Variants in RGS18 observed in about 807,000 individuals in gnomAD.
The protein encoded by RGS18 is regulator of G-protein signaling 18.
Under a neutral mutation model 27.6 loss-of-function variants are expected in RGS18, and 22 were observed. That is an observed-to-expected ratio of 0.80 (90% CI 0.57 to 1.14). The LOEUF is 1.14. Among genes scored for constraint, RGS18 ranks in the 50% most tolerant of loss-of-function variants. The probability of loss-of-function intolerance (pLI) is 0.00; values close to 1 mark genes in which losing one functional copy is unlikely to be tolerated. For missense variants in RGS18, 299 were observed against 269.6 expected (o/e 1.11, Z -0.76); for synonymous variants, 89 against 84.6 (o/e 1.05, Z -0.29).
chr1:192,163,735 T>C (rs923968785), intron 3 of RGS18: 6 of 151,898 alleles, frequency 4.0e-5, no homozygotes, highest in Non-Finnish European at 7.4e-5. Context: ...TTTATTACAA[T>C]GCTTATAATA....
rs562038493 is a variant in RGS18, at chr1:192,159,177, C to A, written c.120-43C>A. 3.5e-6 allele frequency: 5 copies of A among 1,408,946 alleles called. No homozygotes were observed. The African/African-American group carries it at 5.7e-5, about 16-fold the overall frequency. 87.3% of individuals were successfully genotyped at this position (1,408,946 alleles called of 1,614,324 possible). A position where few individuals can be genotyped will look rare whatever the true frequency, so the allele number is the denominator to read the frequency against. On this transcript the variant is annotated intron_variant, in intron 1 of 4. Transcript: ENST00000367460. ...TGGTAGTCAGCAGGAGAGATTTTAA[C>A]TGTCATCTAAATTGTCCTGACATGA...
chr1:192,164,519 G>A (rs992117790), intron 3 of RGS18, among the ~76,000 whole-genome samples: 3 of 151,792 alleles, frequency 2.0e-5, no homozygotes, highest in Non-Finnish European at 4.4e-5. Context: ...AAAAAAAAAT[G>A]AGTAAATATA....
intron 3 of RGS18, among the ~76,000 whole-genome samples, chr1:192,171,478 CTA>C (rs1174869500): frequency 6.6e-6 from 1 of 152,036 alleles, no homozygotes; most frequent in African/African-American, 2.4e-5. Flanking sequence ...CCTTGTCTCT[CTA>C]GTTAATTAAC....
chr1:192,184,593 C>T lies in RGS18; in HGVS notation c.*39C>T, dbSNP rs757089647. 56 of 1,571,648 alleles carry T rather than the reference C, an allele frequency of 3.6e-5. No individual in the cohort carries two copies. Among genetic ancestry groups the T allele is most frequent in the Non-Finnish European group, 4.7e-5 (54 of 1,145,350 alleles). Reference sequence around the variant, plus strand: ...TGCTCATTTTTATGACAAACTTATACATCTGCTTCTAACATATCGCATGTT... The same window carrying T: ...TGCTCATTTTTATGACAAACTTATATATCTGCTTCTAACATATCGCATGTT... On this transcript the variant is annotated 3_prime_UTR_variant, in exon 5 of 5. Coordinates refer to ENST00000367460, the MANE Select transcript of RGS18 (RefSeq NM_130782.3).
chr1:192,165,529 C>T (rs1050356350), intron 3 of RGS18, among the ~76,000 whole-genome samples: 3 of 152,140 alleles, frequency 2.0e-5, no homozygotes, highest in African/African-American at 7.2e-5. Flanking sequence ...CATCACGGAA[C>T]CTGCCGATGT....
chr1:192,184,272 TCA>T, intron 4 of RGS18, 23 bp from the exon 5 acceptor site: 1 of 1,595,682 alleles, frequency 6.3e-7, no homozygotes. Flanking sequence ...TTAACTATAA[TCA>T]CACTTTTTTT....
In RGS18 at chr1:192,184,552, T is replaced by C. The variant is rs1180289226; in HGVS notation, c.706T>C (p.Ter236GlnextTer17). The C allele has an allele frequency of 6.2e-7, 1 of 1,609,296 alleles. No homozygotes were observed. The change falls in exon 5 of 5, where the codon TAA (stop) becomes CAA (glutamine). Residue 236 changes from the stop codon to glutamine, a stop_lost. Transcript: ENST00000367460. ...DVQSDVAIWL[*>Q] ...ACAATCAGATGTTGCCATTTGGTTA[T>C]AAAGAAAATTGATTTTGCTCATTTT... is the stretch of plus-strand genomic sequence containing the variant.
chr1:192,181,740 T>C (rs1033906912), intron 4 of RGS18, among the ~76,000 whole-genome samples: 1 of 151,586 alleles, frequency 6.6e-6, no homozygotes, highest in African/African-American at 2.4e-5. Flanking sequence ...TCTTGAAATA[T>C]ACCATGTATT....
Position 192,169,858 on chromosome 1 carries a change from G to A in RGS18, c.283+9419G>A, listed in dbSNP as rs146742669. 6.6e-5 allele frequency: 10 copies of A among 152,242 alleles called. No homozygotes were observed. The East Asian group carries it at 1.7e-3, about 26-fold the overall frequency. 9.4% of individuals were successfully genotyped at this position (152,242 alleles called of 1,614,324 possible). On this transcript the variant is annotated intron_variant, in intron 3 of 4. Coordinates refer to ENST00000367460, the MANE Select transcript of RGS18 (RefSeq NM_130782.3). ...TTAGAAAGAATCTATCAGCTCTGAA[G>A]ATAGTTATCAGAGATAAATTAAGGA...
chr1:192,166,407 C>T (rs1204025405), intron 3 of RGS18, among the ~76,000 whole-genome samples: 1 of 152,054 alleles, frequency 6.6e-6, no homozygotes, highest in East Asian at 1.9e-4. Flanking sequence ...AGTAAGTTTA[C>T]TCTGAGGCAA....
intron 3 of RGS18, among the ~76,000 whole-genome samples, chr1:192,178,396 T>G (rs1338328666): frequency 1.3e-5 from 2 of 151,550 alleles, no homozygotes; most frequent in Non-Finnish European, 3.0e-5. Flanking sequence ...ATTGATCGTA[T>G]TTGGGTGTTG....
chr1:192,184,257 G>A, intron 4 of RGS18, 40 bp from the exon 5 acceptor site: 1 of 1,570,028 alleles, frequency 6.4e-7, no homozygotes. Context: ...GTTTATATAA[G>A]CATATTAACT....
intron 3 of RGS18, among the ~76,000 whole-genome samples, chr1:192,173,567 G>C (rs1370488552): frequency 6.6e-6 from 1 of 151,592 alleles, no homozygotes; most frequent in Non-Finnish European, 1.5e-5. Context: ...TACTAAATTT[G>C]GTCCCAGGTA....
At chr1:192,163,351 T>G (rs540362801) in intron 3 of RGS18, 46 of 152,188 alleles carry the variant, frequency 3.0e-4, no homozygotes, top group Non-Finnish European at 2.6e-4. Flanking sequence ...AGACAGGATT[T>G]CTTTCACTTA....
chr1:192,162,296 G>GTTGTT (rs776952030), intron 3 of RGS18, among the ~76,000 whole-genome samples: 8 of 151,698 alleles, frequency 5.3e-5, no homozygotes, highest in Non-Finnish European at 8.8e-5. Context: ...TGGTTTGTTT[G>GTTGTT]TTGTTTTGTT....
chr1:192,165,808 G>T (rs16834089), intron 3 of RGS18, among the ~76,000 whole-genome samples: 1 of 151,816 alleles, frequency 6.6e-6, no homozygotes, highest in East Asian at 1.9e-4. Flanking sequence ...TTCTTATTTC[G>T]TTCAATGGAG....
At chr1:192,166,107 A>G (rs956121357) in intron 3 of RGS18, among the ~76,000 whole-genome samples, 7 of 152,160 alleles carry the variant, frequency 4.6e-5, no homozygotes, top group African/African-American at 1.7e-4. Context: ...TAAAATATAG[A>G]GATATATTAT....
intron 3 of RGS18, among the ~76,000 whole-genome samples, chr1:192,180,626 G>A (rs908767564): frequency 1.3e-5 from 2 of 151,614 alleles, no homozygotes; most frequent in Non-Finnish European, 3.0e-5. Flanking sequence ...GATTATGTTT[G>A]AATTTAAAAT....
chr1:192,184,415 C>A lies in RGS18; in HGVS notation c.569C>A (p.Thr190Lys). The A allele has an allele frequency of 3.1e-6, 5 of 1,611,848 alleles. No individual in the cohort carries two copies. Among genetic ancestry groups the A allele is most frequent in the Non-Finnish European group, 4.2e-6 (5 of 1,178,622 alleles). The stretch of plus-strand genomic sequence containing the variant: ...CAGCTCATGGAACAAGACAGTTATA[C>A]ACGTTTTCTGAAATCTGACATCTAT... ...VYQLMEQDSY[T>K]RFLKSDIYLD... Residue 190 changes from threonine (T) to lysine (K), a missense_variant, in exon 5 of 5, where the codon ACA (threonine) becomes AAA (lysine). By Grantham distance (78) the Thr-to-Lys change is moderately conservative. Coordinates refer to ENST00000367460, the MANE Select transcript of RGS18 (RefSeq NM_130782.3).
Sources: allele counts gnomAD v4.1 joint callset (sites outside exome capture counted in the v4.1 genomes callset), GRCh38; gene constraint gnomAD v4.1.1; transcripts MANE v1.5; gene names NCBI Gene and HGNC (gene_info 2026-07-23, HGNC 2026-07-21).